TRAK2: variants seen among roughly 807,000 people sequenced by gnomAD.
TRAK2 encodes trafficking kinesin-binding protein 2.
TRAK2 carries 81 observed loss-of-function variants against 104.6 expected under a neutral mutation model. That is an observed-to-expected ratio of 0.77 (90% CI 0.65 to 0.93). The LOEUF (loss-of-function observed/expected upper bound fraction) is 0.93, where lower values mean the gene tolerates loss of function less well. Among genes scored for constraint, TRAK2 ranks in the 40% least tolerant of loss-of-function variants. The pLI, the probability that TRAK2 is intolerant of heterozygous loss-of-function variation, is 0.00. For synonymous variants in TRAK2, 406 were observed against 394.4 expected, an observed-to-expected ratio of 1.03 and a Z score of -0.35; for missense variants, 1,002 against 1,089.0, an observed-to-expected ratio of 0.92 and a Z score of 1.12.
intron 2 of TRAK2, chr2:201,410,567 C>A: frequency 1.6e-6 from 2 of 1,220,068 alleles, no homozygotes; most frequent in Non-Finnish European, 2.4e-6. Flanking sequence ...TCTTTAAAAT[C>A]ATTGCTAGCT....
chr2:201,413,030 C>A (rs1951661464), intron 2 of TRAK2: 1 of 781,330 alleles, frequency 1.3e-6, no homozygotes, highest in Non-Finnish European at 2.3e-6. Context: ...GTGTTGAAGT[C>A]GAGTTAAGTG....
At chr2:201,420,296 G>T in intron 2 of TRAK2, 121 bp downstream of exon 2, 1 of 740,370 alleles carries the variant, frequency 1.4e-6, no homozygotes. Context: ...TTTTCCCTGA[G>T]GACATCAGAC....
rs1951443708 is a variant in TRAK2 at position 201,391,035 on chromosome 2, C to T, written c.1114-1155G>A. ...GTATGAAATACATATATTTCCTAGT[C>T]CTACCTGCTGAGAGGGACTAGAAGC... On this transcript the variant is annotated intron_variant, in intron 10 of 15. Coordinates refer to ENST00000332624, the MANE Select transcript of TRAK2 (RefSeq NM_015049.3). Among the ~76,000 whole-genome samples the T allele has an allele frequency of 2.0e-5, 3 of 151,886 alleles. No homozygotes were observed. In the South Asian group the frequency reaches 6.2e-4, roughly 32 times the overall value.
At chr2:201,425,133 C>T (rs1951776714) in intron 1 of TRAK2, among the ~76,000 whole-genome samples, 3 of 152,156 alleles carry the variant, frequency 2.0e-5, no homozygotes, top group Admixed American at 2.0e-4. Flanking sequence ...CTTCATAGTC[C>T]ACAGAGCCTA....
At chr2:201,399,190 C>T (rs1020479895) in intron 5 of TRAK2, among the ~76,000 whole-genome samples, 187 bp downstream of exon 5, 5 of 152,056 alleles carry the variant, frequency 3.3e-5, no homozygotes, top group Admixed American at 6.6e-5. Flanking sequence ...AAGGTAGTTA[C>T]GTGAGTTCTC....
Position 201,389,428 on chromosome 2 carries a change from A to G in TRAK2, c.1269T>C (p.Ala423=). ...DTRGRSISFP[A]LLPIPGSNRS... ...GGTTGGAGCCTGGAATGGGTAACAG[A>G]GCTGGGAATGAGATAGAGCGGCCCC... is the stretch of plus-strand genomic sequence containing the variant. Residue 423 remains alanine, a synonymous_variant, in exon 12 of 16, where the codon GCT becomes GCC. Coordinates refer to ENST00000332624, the MANE Select transcript of TRAK2 (RefSeq NM_015049.3). The G allele has an allele frequency of 6.2e-7, 1 of 1,614,098 alleles. No individual in the cohort carries two copies. The highest frequency in any genetic ancestry group is 8.5e-7 in the Non-Finnish European group (1 of 1,180,018).
At position 201,392,958 on chromosome 2, in the gene TRAK2, C is replaced by T. The variant is rs373429813; in HGVS notation, c.1064G>A (p.Gly355Asp). ...EEIKELRSRSGPTAHLYFSQS... is the reference protein window; with the variant it reads ...EEIKELRSRSDPTAHLYFSQS... ...GGAGAAGTAGAGATGAGCAGTAGGG[C>T]CAGATCTACTACGAAGTTCCTTTAT... Residue 355 changes from glycine (G) to aspartate (D), a missense_variant, in exon 10 of 16, where the codon GGC (glycine) becomes GAC (aspartate). Gly to Asp is a moderately conservative substitution (Grantham distance 94). Transcript: ENST00000332624. The T allele has an allele frequency of 6.2e-7, 1 of 1,613,646 alleles. No homozygotes were observed. The highest frequency in any genetic ancestry group is 8.5e-7 in the Non-Finnish European group (1 of 1,179,772).
chr2:201,438,701 G>C lies in TRAK2; in HGVS notation c.-200+12649C>G, dbSNP rs184683093. 1.7e-3 allele frequency among the ~76,000 whole-genome samples: 262 copies of C among 152,188 alleles called. 3 individuals carry two copies. The highest frequency in any genetic ancestry group is 6.1e-3 in the African/African-American group (253 of 41,518). On this transcript the variant is annotated intron_variant, in intron 1 of 15. Coordinates refer to ENST00000332624, the MANE Select transcript of TRAK2 (RefSeq NM_015049.3). The stretch of plus-strand genomic sequence containing the variant: ...ACTCCACTTTTTAAAAACACATAGT[G>C]GTTACTGAATATAGAAGAAGAAGAA...
chr2:201,395,667 A>C (rs1451066657), intron 7 of TRAK2, among the ~76,000 whole-genome samples: 2 of 152,210 alleles, frequency 1.3e-5, no homozygotes, highest in Non-Finnish European at 2.9e-5. Context: ...GAAGCTAAAA[A>C]GAGAGACGAC....
At chr2:201,424,945 T>C (rs985934892) in intron 1 of TRAK2, among the ~76,000 whole-genome samples, 2 of 152,182 alleles carry the variant, frequency 1.3e-5, no homozygotes, top group Non-Finnish European at 2.9e-5. Flanking sequence ...TTAAGAATGA[T>C]TTTTATACTT....
intron 8 of TRAK2, 162 bp downstream of exon 8, chr2:201,395,152 T>A (rs965479227): frequency 1.7e-5 from 11 of 643,206 alleles, no homozygotes; most frequent in East Asian, 1.7e-4. Flanking sequence ...TTATTCATGA[T>A]ATCTTATATG....
intron 1 of TRAK2, among the ~76,000 whole-genome samples, chr2:201,450,761 C>T (rs1338555820): frequency 6.6e-6 from 1 of 151,312 alleles, no homozygotes; most frequent in African/African-American, 2.4e-5. Context: ...CAAGTAACAT[C>T]CCTATTATTA....
chr2:201,402,280 C>A (rs1951556766), intron 3 of TRAK2, among the ~76,000 whole-genome samples: 1 of 151,922 alleles, frequency 6.6e-6, no homozygotes, highest in Admixed American at 6.6e-5. Context: ...TTTAGGGTGC[C>A]CACGACTGAG....
At chr2:201,415,557 AATAGAAC>A (rs1451414096) in intron 2 of TRAK2, among the ~76,000 whole-genome samples, 1 of 152,162 alleles carries the variant, frequency 6.6e-6, no homozygotes, top group Non-Finnish European at 1.5e-5. Flanking sequence ...TAAAAACCCA[AATAGAAC>A]TAGAGTACAG....
intron 10 of TRAK2, among the ~76,000 whole-genome samples, chr2:201,390,638 CACTT>C (rs1951438777): frequency 6.7e-6 from 1 of 149,546 alleles, no homozygotes; most frequent in Non-Finnish European, 1.5e-5. Context: ...ATTAAAAAAT[CACTT>C]AAAAAAAAGA....
At chr2:201,387,280 T>TAC (rs778730428) in intron 13 of TRAK2, among the ~76,000 whole-genome samples, 2 of 152,154 alleles carry the variant, frequency 1.3e-5, no homozygotes, top group African/African-American at 4.8e-5. Flanking sequence ...AAAATACAGG[T>TAC]ACACACACAC....
At chr2:201,434,687 A>G (rs911718422) in intron 1 of TRAK2, among the ~76,000 whole-genome samples, 5 of 152,254 alleles carry the variant, frequency 3.3e-5, no homozygotes, top group African/African-American at 1.2e-4. Flanking sequence ...TAAGCAACTG[A>G]ATAAGCAATA....
rs572032966 is a variant in TRAK2, at chr2:201,422,848, C to A, written c.-199-2142G>T. Reference sequence around the variant, plus strand: ...TTTCCTAACACCTAGACTTTCAGATCTCCACAGACTGGTAAAATTTCAAAC... The same window carrying A: ...TTTCCTAACACCTAGACTTTCAGATATCCACAGACTGGTAAAATTTCAAAC... On this transcript the variant is annotated intron_variant, in intron 1 of 15. Transcript: ENST00000332624. Among the ~76,000 whole-genome samples the A allele has an allele frequency of 6.2e-4, 95 of 152,188 alleles. 1 individual carries two copies. The highest frequency in any genetic ancestry group is 2.2e-3 in the African/African-American group (92 of 41,540).
intron 1 of TRAK2, among the ~76,000 whole-genome samples, chr2:201,426,090 T>C (rs897133144): frequency 6.6e-6 from 1 of 152,208 alleles, no homozygotes; most frequent in Admixed American, 6.5e-5. Context: ...TCCTGTGCCA[T>C]AGAACTGTAC....
Sources: allele counts gnomAD v4.1 joint callset (sites outside exome capture counted in the v4.1 genomes callset), GRCh38; gene constraint gnomAD v4.1.1; transcripts MANE v1.5; gene names NCBI Gene and HGNC (gene_info 2026-07-23, HGNC 2026-07-21).